The following TMEM132C variants were observed in gnomAD, a reference collection of about 807,000 sequenced individuals.
TMEM132C encodes protein phosphatase 1, regulatory subunit 152.
In TMEM132C, 29 loss-of-function variants were observed where a neutral mutation model predicts 61.4. The observed-to-expected ratio is 0.47, with a 90% CI of 0.35 to 0.64. The LOEUF is 0.64. Ranked by LOEUF, TMEM132C falls within the 30% of genes least tolerant of loss-of-function variation. The probability of loss-of-function intolerance (pLI) is 0.00; values close to 1 mark genes in which losing one functional copy is unlikely to be tolerated. For missense variants in TMEM132C, 1,408 were observed against 1,476.9 expected, an observed-to-expected ratio of 0.95 and a Z score of 0.76; for synonymous variants, 656 against 633.1, an observed-to-expected ratio of 1.04 and a Z score of -0.54.
chr12:128,525,601 T>C (rs1453490574), intron 2 of TMEM132C, among the ~76,000 whole-genome samples: 5 of 152,122 alleles, frequency 3.3e-5, no homozygotes, highest in Non-Finnish European at 7.4e-5. Flanking sequence ...CACACGCCCT[T>C]CTGAGAGGTG....
At chr12:128,625,172 C>T (rs1954003144) in intron 4 of TMEM132C, among the ~76,000 whole-genome samples, 1 of 152,218 alleles carries the variant, frequency 6.6e-6, no homozygotes, top group Non-Finnish European at 1.5e-5. Context: ...CTAACTGAAA[C>T]TGAGCATTTT....
At chr12:128,314,158 T>A (rs915900562) in intron 1 of TMEM132C, among the ~76,000 whole-genome samples, 1 of 152,198 alleles carries the variant, frequency 6.6e-6, no homozygotes, top group Non-Finnish European at 1.5e-5. Flanking sequence ...TCTTACTCAG[T>A]GGAGAAATCT....
At chr12:128,598,818 G>A (rs1047246732) in intron 3 of TMEM132C, among the ~76,000 whole-genome samples, 3 of 147,314 alleles carry the variant, frequency 2.0e-5, no homozygotes, top group Admixed American at 7.0e-5. Context: ...GGGACCATGC[G>A]CTGCTGAGCT....
rs1566037273 is a variant in TMEM132C at position 128,271,272 on chromosome 12, TAATA to T, written c.85+3787_85+3790del. On this transcript the variant is annotated intron_variant, in intron 1 of 8. Transcript: ENST00000435159. The stretch of plus-strand genomic sequence containing the variant: ...TGGTCTCAAAATAATAATAATATAA[TAATA>T]ATAATAATAATAATAATAATAATAA... Among the ~76,000 whole-genome samples, 8 of 31,928 alleles carry T rather than the reference TAATA, an allele frequency of 2.5e-4. No homozygotes were observed. In the South Asian group the frequency reaches 2.9e-3, roughly 11 times the overall value. The allele number at this position is 31,928 out of a possible 152,430, so 20.9% of individuals were successfully genotyped here.
chr12:128,445,966 T>C (rs1390574269), intron 2 of TMEM132C, among the ~76,000 whole-genome samples: 4 of 152,186 alleles, frequency 2.6e-5, no homozygotes, highest in Admixed American at 6.5e-5. Flanking sequence ...ATCTCTGTCA[T>C]CTACAAAGCC....
In TMEM132C at chr12:128,570,745, A is replaced by G. The variant is rs1159475655; in HGVS notation, c.1121+26642A>G. 6.6e-6 allele frequency among the ~76,000 whole-genome samples: 1 copy of G among 152,182 alleles called. No homozygotes were observed. Among genetic ancestry groups the G allele is most frequent in the East Asian group, 1.9e-4 (1 of 5,192 alleles). On this transcript the variant is annotated intron_variant, in intron 3 of 8. Coordinates refer to ENST00000435159, the MANE Select transcript of TMEM132C (RefSeq NM_001136103.3). The surrounding 1 kb of genome is among the most constrained non-coding windows in gnomAD (Gnocchi z 4.7). Reference sequence around the variant, plus strand: ...TCTTATTGTGTTCCAGGTAGAGCAAATGGAGGAAGATGTATGGCTAAGGCA... The same window carrying G: ...TCTTATTGTGTTCCAGGTAGAGCAAGTGGAGGAAGATGTATGGCTAAGGCA...
chr12:128,516,839 C>T (rs150057783), intron 2 of TMEM132C, among the ~76,000 whole-genome samples: 163 of 150,580 alleles, frequency 1.1e-3, no homozygotes, highest in African/African-American at 3.8e-3. Context: ...GCTTGAACTC[C>T]GGGGTTCAAG....
intron 4 of TMEM132C, among the ~76,000 whole-genome samples, chr12:128,623,577 C>A (rs1953987413): frequency 6.6e-6 from 1 of 151,876 alleles, no homozygotes; most frequent in African/African-American, 2.4e-5. Flanking sequence ...GAGGCCAAGG[C>A]AGGCGGATTG....
intron 1 of TMEM132C, among the ~76,000 whole-genome samples, chr12:128,292,701 C>G (rs76186839): frequency 1.8e-5 from 2 of 113,958 alleles, no homozygotes; most frequent in Non-Finnish European, 3.7e-5. Context: ...ACCTAGGTAC[C>G]TAAATTCCTA....
chr12:128,701,708 GC>G (rs1013942330), intron 8 of TMEM132C, among the ~76,000 whole-genome samples: 55 of 152,090 alleles, frequency 3.6e-4, no homozygotes, highest in African/African-American at 1.2e-3. Flanking sequence ...TTCTTGATAT[GC>G]CTGTGGTTCT....
intron 3 of TMEM132C, among the ~76,000 whole-genome samples, chr12:128,578,029 T>C (rs1875183713): frequency 6.6e-6 from 1 of 152,262 alleles, no homozygotes; most frequent in Non-Finnish European, 1.5e-5. Flanking sequence ...TCTTCTTAAA[T>C]ATATTTCAAG....
chr12:128,333,824 G>C (rs1872726800), intron 1 of TMEM132C, among the ~76,000 whole-genome samples: 1 of 151,476 alleles, frequency 6.6e-6, no homozygotes, highest in South Asian at 2.1e-4. Flanking sequence ...GTATGTGTGA[G>C]AGTTTGTGGT....
At chr12:128,351,843 G>A (rs1334457238) in intron 1 of TMEM132C, among the ~76,000 whole-genome samples, 3 of 152,146 alleles carry the variant, frequency 2.0e-5, no homozygotes, top group Non-Finnish European at 4.4e-5. Context: ...GATTTGGCAG[G>A]GACAAACAAA....
At chr12:128,284,131 T>TA (rs1231225152) in intron 1 of TMEM132C, among the ~76,000 whole-genome samples, 4 of 152,194 alleles carry the variant, frequency 2.6e-5, no homozygotes, top group African/African-American at 9.6e-5. Flanking sequence ...TGGGCCCATG[T>TA]ACCACCATGT....
chr12:128,500,051 T>C (rs1053333148), intron 2 of TMEM132C, among the ~76,000 whole-genome samples: 2 of 152,236 alleles, frequency 1.3e-5, no homozygotes, highest in African/African-American at 4.8e-5. Flanking sequence ...GCATTCATAT[T>C]GCCTGTCTTT....
chr12:128,359,794 T>C (rs1565912153), intron 1 of TMEM132C, among the ~76,000 whole-genome samples: 1 of 152,176 alleles, frequency 6.6e-6, no homozygotes, highest in Non-Finnish European at 1.5e-5. Flanking sequence ...GTGTTACTCA[T>C]CAAGTAGATG....
At chr12:128,508,668 G>A (rs998008057) in intron 2 of TMEM132C, among the ~76,000 whole-genome samples, 2 of 152,192 alleles carry the variant, frequency 1.3e-5, no homozygotes, top group Non-Finnish European at 2.9e-5. Flanking sequence ...CTTTGTAACT[G>A]TCCTGTTCTC....
At chr12:128,299,688 G>A (rs199631523) in intron 1 of TMEM132C, among the ~76,000 whole-genome samples, 1 of 152,198 alleles carries the variant, frequency 6.6e-6, no homozygotes, top group Non-Finnish European at 1.5e-5. Flanking sequence ...AGAGAATCAG[G>A]CAAGGGTGTA....
chr12:128,695,676 T>G (rs1954755038), intron 6 of TMEM132C, among the ~76,000 whole-genome samples, 154 bp from the exon 7 acceptor site: 1 of 152,246 alleles, frequency 6.6e-6, no homozygotes, highest in Non-Finnish European at 1.5e-5. Context: ...CATCACTTAG[T>G]GTTGCCTAGA....
Sources: gnomAD v4.1 joint callset for allele counts (sites outside exome capture counted in the v4.1 genomes callset) on GRCh38, gnomAD v4.1.1 for gene constraint, Gnocchi (gnomAD v3.1) non-coding constraint, MANE v1.5 for transcripts, NCBI Gene and HGNC (gene_info 2026-07-23, HGNC 2026-07-21) for gene names.